CDH9: variants seen among roughly 807,000 people sequenced by gnomAD.
The protein encoded by CDH9 is cadherin 9, also known as cadherin-9.
Under a neutral mutation model 70.9 loss-of-function variants are expected in CDH9, and 28 were observed. The ratio of observed to expected loss-of-function variants is 0.40; its 90% confidence interval spans 0.29 to 0.54. The LOEUF is 0.54. Ranked by LOEUF, CDH9 falls within the 20% of genes least tolerant of loss-of-function variation. The pLI is 0.59. For synonymous variants in CDH9, 409 were observed against 343.1 expected, an observed-to-expected ratio of 1.19 and a Z score of -2.12; for missense variants, 874 against 984.4, an observed-to-expected ratio of 0.89 and a Z score of 1.50.
chr5:26,930,522 A>G (rs1007245605), intron 2 of CDH9, among the ~76,000 whole-genome samples: 2 of 152,122 alleles, frequency 1.3e-5, no homozygotes, highest in African/African-American at 4.8e-5. Context: ...AAATCTGCAT[A>G]TAAGTGGACC....
chr5:26,957,519 G>A (rs187558192), intron 2 of CDH9, among the ~76,000 whole-genome samples: 114 of 152,038 alleles, frequency 7.5e-4, no homozygotes, highest in African/African-American at 2.6e-3. Context: ...AAAATTAGCC[G>A]GGCGTGGAGG....
At chr5:26,965,958 T>C (rs1013728207) in intron 2 of CDH9, among the ~76,000 whole-genome samples, 1 of 152,216 alleles carries the variant, frequency 6.6e-6, no homozygotes, top group Admixed American at 6.5e-5. Context: ...AACTTTTTGA[T>C]GAACTTATGT....
At chr5:27,035,628 A>T (rs1743377778) in intron 1 of CDH9, among the ~76,000 whole-genome samples, 1 of 151,462 alleles carries the variant, frequency 6.6e-6, no homozygotes, top group Non-Finnish European at 1.5e-5. Context: ...TTATTACAAA[A>T]AATCTCACCA....
intron 1 of CDH9, among the ~76,000 whole-genome samples, chr5:26,994,493 G>T (rs754619130): frequency 1.3e-5 from 2 of 151,936 alleles, no homozygotes; most frequent in African/African-American, 4.8e-5. Context: ...GGACATGAAG[G>T]TACCTGAGCT....
intron 2 of CDH9, among the ~76,000 whole-genome samples, chr5:26,964,579 G>C (rs1357020333): frequency 6.6e-6 from 1 of 152,086 alleles, no homozygotes; most frequent in African/African-American, 2.4e-5. Flanking sequence ...GACTTAGCAC[G>C]CAGTTTCATC....
chr5:26,900,574 TA>T (rs879716282), intron 7 of CDH9, among the ~76,000 whole-genome samples: 6 of 152,056 alleles, frequency 3.9e-5, no homozygotes, highest in Admixed American at 6.6e-5. Flanking sequence ...CATGGATTAT[TA>T]AAAAGATTTG....
chr5:26,931,521 G>C (rs1741461713), intron 2 of CDH9, among the ~76,000 whole-genome samples: 2 of 152,032 alleles, frequency 1.3e-5, no homozygotes, highest in Non-Finnish European at 1.5e-5. Flanking sequence ...GATAAGATTT[G>C]ACAAAAATCA....
At chr5:26,981,182 G>C (rs1036075092) in intron 2 of CDH9, among the ~76,000 whole-genome samples, 2 of 151,980 alleles carry the variant, frequency 1.3e-5, no homozygotes, top group Admixed American at 1.3e-4. Context: ...GCCTTAAAAA[G>C]GATAATTTAT....
intron 2 of CDH9, among the ~76,000 whole-genome samples, chr5:26,923,051 T>C (rs1484982110): frequency 1.7e-5 from 2 of 120,922 alleles, no homozygotes; most frequent in African/African-American, 3.2e-5. Context: ...ATCTAAGACA[T>C]AGTGTAGTTA....
intron 11 of CDH9, among the ~76,000 whole-genome samples, chr5:26,884,356 T>G (rs2111965598): frequency 6.6e-6 from 1 of 152,290 alleles, no homozygotes; most frequent in Admixed American, 6.5e-5. Context: ...GATCTAACAA[T>G]AAACATATTT....
chr5:26,945,190 A>G (rs962230486), intron 2 of CDH9, among the ~76,000 whole-genome samples: 5 of 150,724 alleles, frequency 3.3e-5, no homozygotes, highest in Non-Finnish European at 4.4e-5. Context: ...CCCTTCTGTT[A>G]TTTATGTTTC....
chr5:26,990,837 T>A (rs1308970325), intron 1 of CDH9, among the ~76,000 whole-genome samples: 1 of 152,206 alleles, frequency 6.6e-6, no homozygotes, highest in Non-Finnish European at 1.5e-5. Flanking sequence ...TTATAACCCT[T>A]GCCAGAGAAA....
At chr5:26,927,929 T>G (rs1019007355) in intron 2 of CDH9, among the ~76,000 whole-genome samples, 7 of 152,042 alleles carry the variant, frequency 4.6e-5, no homozygotes, top group Non-Finnish European at 8.8e-5. Context: ...TGTTTACCCC[T>G]GCTCCTCAAG....
chr5:26,993,291 T>C (rs1398486324), intron 1 of CDH9, among the ~76,000 whole-genome samples: 3 of 152,114 alleles, frequency 2.0e-5, no homozygotes, highest in Non-Finnish European at 1.5e-5. Context: ...TTCCAGTGTT[T>C]TACAGAATGT....
At chr5:26,902,970 G>A (rs1329852249) in intron 6 of CDH9, 9 of 363,334 alleles carry the variant, frequency 2.5e-5, no homozygotes. Flanking sequence ...TTAGTAATAT[G>A]CTTCATTTTT....
chr5:27,022,412 A>G (rs1184209213), intron 1 of CDH9, among the ~76,000 whole-genome samples: 1 of 152,130 alleles, frequency 6.6e-6, no homozygotes, highest in Non-Finnish European at 1.5e-5. Context: ...AAATTTCTCC[A>G]TACCACACAA....
intron 1 of CDH9, among the ~76,000 whole-genome samples, chr5:27,031,720 G>A (rs1242774366): frequency 1.3e-5 from 2 of 151,800 alleles, no homozygotes; most frequent in Admixed American, 1.3e-4. Flanking sequence ...AGGAGCAAAA[G>A]GTCTACAATG....
rs915025389 is a variant in CDH9 at position 26,950,346 on chromosome 5, C to G, written c.229-34422G>C. On this transcript the variant is annotated intron_variant, in intron 2 of 11. Coordinates refer to ENST00000231021, the MANE Select transcript of CDH9 (RefSeq NM_016279.4). ...ATGGAAAAATACTACATTTATCCCT[C>G]TGACAAAGGTATATGATGAACAAAG... is the stretch of plus-strand genomic sequence containing the variant. Among the ~76,000 whole-genome samples, 8 of 152,088 alleles carry G rather than the reference C, an allele frequency of 5.3e-5. No individual in the cohort carries two copies. In the South Asian group the frequency reaches 8.3e-4, roughly 16 times the overall value.
chr5:26,887,749 G>T (rs1300039366), intron 9 of CDH9, among the ~76,000 whole-genome samples: 1 of 152,042 alleles, frequency 6.6e-6, no homozygotes, highest in Non-Finnish European at 1.5e-5. Flanking sequence ...TTCGATGACT[G>T]GAGTCCTCAT....
Sources: allele counts gnomAD v4.1 joint callset (sites outside exome capture counted in the v4.1 genomes callset), GRCh38; gene constraint gnomAD v4.1.1; transcripts MANE v1.5; gene names NCBI Gene and HGNC (gene_info 2026-07-23, HGNC 2026-07-21).